Variants in SLIT3 observed in about 807,000 individuals in gnomAD.
SLIT3 encodes the protein slit homolog 3 protein.
A neutral mutation model predicts 184.0 loss-of-function variants in SLIT3; 68 were observed. The ratio of observed to expected loss-of-function variants is 0.37; its 90% confidence interval spans 0.30 to 0.45. The LOEUF (loss-of-function observed/expected upper bound fraction) is 0.45. Among genes scored for constraint, SLIT3 ranks in the 20% least tolerant of loss-of-function variants. The pLI, the probability that SLIT3 is intolerant of heterozygous loss-of-function variation, is 1.00. For missense variants in SLIT3, 1,707 were observed against 2,026.0 expected (o/e 0.84, Z 3.02); for synonymous variants, 831 against 828.6 (o/e 1.00, Z -0.05).
At position 168,762,649 on chromosome 5, in the gene SLIT3, G is replaced by A. The variant is rs759734936; in HGVS notation, c.1500C>T (p.Phe500=). 2.5e-6 allele frequency: 4 copies of A among 1,614,126 alleles called. No individual in the cohort carries two copies. The highest frequency in any genetic ancestry group is 3.4e-6 in the Non-Finnish European group (4 of 1,180,026). The change falls in exon 15 of 36, where the codon TTC becomes TTT. Residue 500 remains phenylalanine (F), a synonymous_variant. Transcript: ENST00000519560. The stretch of plus-strand genomic sequence containing the variant: ...ACTTCTCGGGGCACACGAGGTCCAT[G>A]AAGCACTCGCTGCTGAACCTGCTGC... ...DYRSRFSSEC[F]MDLVCPEKCR... is the part of the protein sequence containing the mutation.
At chr5:169,295,892 C>T (rs1029517778) in intron 1 of SLIT3, among the ~76,000 whole-genome samples, 12 of 152,310 alleles carry the variant, frequency 7.9e-5, no homozygotes, top group Admixed American at 2.0e-4. Context: ...CTCAGGATGA[C>T]GCTGATGAGT....
intron 4 of SLIT3, among the ~76,000 whole-genome samples, chr5:168,981,068 T>A (rs959920731): frequency 3.3e-5 from 5 of 152,334 alleles, no homozygotes; most frequent in African/African-American, 1.2e-4. Context: ...AAAAAGATAT[T>A]TTTTTAAATA....
intron 4 of SLIT3, among the ~76,000 whole-genome samples, chr5:168,886,194 C>T (rs535344098): frequency 2.0e-5 from 3 of 152,268 alleles, no homozygotes; most frequent in South Asian, 2.1e-4. Flanking sequence ...TTCCCTTCTC[C>T]GGCTAACAAT....
At chr5:169,195,826 G>A (rs975759995) in intron 3 of SLIT3, among the ~76,000 whole-genome samples, 1 of 152,036 alleles carries the variant, frequency 6.6e-6, no homozygotes, top group African/African-American at 2.4e-5. Flanking sequence ...GTGCCCGGCT[G>A]AGGGAAGCCT....
At position 168,753,962 on chromosome 5, in the gene SLIT3, G is replaced by A. The variant is rs754934688; in HGVS notation, c.1731C>T (p.Phe577=). 32 of 1,609,866 alleles carry A rather than the reference G, an allele frequency of 2.0e-5. No individual in the cohort carries two copies. The highest frequency in any genetic ancestry group is 1.9e-4 in the South Asian group (17 of 90,954). The change falls in exon 17 of 36, where the codon TTC becomes TTT. Residue 577 remains phenylalanine, a synonymous_variant. Coordinates refer to ENST00000519560, the MANE Select transcript of SLIT3 (RefSeq NM_003062.4). The part of the protein sequence containing the change: ...NKIKEVREGA[F]DGAASVQELM... ...GCTCCTGCACGCTGGCTGCTCCATC[G>A]AAAGCTCCCTCTCGCACCTCCTTGA...
intron 16 of SLIT3, among the ~76,000 whole-genome samples, chr5:168,757,754 ATAACCAGC>A (rs1366526148): frequency 6.6e-6 from 1 of 152,294 alleles, no homozygotes; most frequent in Non-Finnish European, 1.5e-5. Context: ...TTTTAAATAT[ATAACCAGC>A]TACTCTGGGT....
In SLIT3 at chr5:168,726,190, AG is replaced by A. The variant is rs765136015; in HGVS notation, c.2271-1707del. On this transcript the variant is annotated intron_variant, in intron 20 of 35. Transcript: ENST00000519560. ...ACATGCTTAGATTGTGCCCTCAGAC[AG>A]AAAAGCCAAGAGAAATGCATTCATT... Among the ~76,000 whole-genome samples, 9 of 152,052 alleles carry A rather than the reference AG, an allele frequency of 5.9e-5. No individual in the cohort carries two copies. In the East Asian group the frequency reaches 1.6e-3, roughly 27 times the overall value.
At chr5:168,912,412 G>A (rs1217467384) in intron 4 of SLIT3, among the ~76,000 whole-genome samples, 3 of 152,232 alleles carry the variant, frequency 2.0e-5, no homozygotes, top group African/African-American at 7.2e-5. Context: ...TTTCGGTCAA[G>A]GGTCAAATGT....
intron 5 of SLIT3, among the ~76,000 whole-genome samples, chr5:168,864,201 A>G (rs1759218875): frequency 6.6e-6 from 1 of 152,212 alleles, no homozygotes; most frequent in African/African-American, 2.4e-5. Flanking sequence ...CTTGTCTCAA[A>G]TAAAAGGCAC....
rs73802464 is a variant in SLIT3 at position 168,968,024 on chromosome 5, C to T, written c.414-84688G>A. On this transcript the variant is annotated intron_variant, in intron 4 of 35. Coordinates refer to ENST00000519560, the MANE Select transcript of SLIT3 (RefSeq NM_003062.4). Reference sequence around the variant, plus strand: ...GCATTCAAATTCCTTCCTCATGGCTCTCCCCAGGCCTTGGAAAGGAGAGTG... The same window carrying T: ...GCATTCAAATTCCTTCCTCATGGCTTTCCCCAGGCCTTGGAAAGGAGAGTG... 4.3e-3 allele frequency among the ~76,000 whole-genome samples: 657 copies of T among 152,354 alleles called. 3 individuals carry two copies. The highest frequency in any genetic ancestry group is 0.014 in the African/African-American group (595 of 41,580).
chr5:168,981,176 A>G (rs1457839552), intron 4 of SLIT3, among the ~76,000 whole-genome samples: 1 of 152,252 alleles, frequency 6.6e-6, no homozygotes, highest in African/African-American at 2.4e-5. Flanking sequence ...CAATGCTGAT[A>G]TTAGACACAA....
intron 20 of SLIT3, among the ~76,000 whole-genome samples, chr5:168,743,045 TG>T (rs1371181467): frequency 6.6e-6 from 1 of 151,996 alleles, no homozygotes; most frequent in Non-Finnish European, 1.5e-5. Flanking sequence ...GCCAGGAAAA[TG>T]GCATGAACCC....
chr5:168,710,982 C>T lies in SLIT3; in HGVS notation c.2632G>A (p.Glu878Lys). The T allele has an allele frequency of 6.4e-7, 1 of 1,569,788 alleles. No homozygotes were observed. The highest frequency in any genetic ancestry group is 1.8e-5 in the Admixed American group (1 of 54,068). Residue 878 changes from glutamate to lysine, a missense_variant, in exon 25 of 36, where the codon GAG becomes AAG. Glu to Lys is a moderately conservative substitution (Grantham distance 56). Around this residue, in one of 3 missense-constraint regions of SLIT3, gnomAD observed 1,307 missense variants for 1,511.6 expected, o/e 0.86. Transcript: ENST00000519560. Reference protein sequence around the residue: ...LSEWVKAGYKEPGIARCSSPE... With the variant: ...LSEWVKAGYKKPGIARCSSPE... ...CTACTGCAGCGGGCGATGCCAGGCT[C>T]CTTGTACCCCGCCTTCACCCACTCC...
chr5:168,693,296 C>A (rs545712100), intron 28 of SLIT3, among the ~76,000 whole-genome samples: 2 of 152,340 alleles, frequency 1.3e-5, no homozygotes, highest in South Asian at 2.1e-4. Flanking sequence ...CAAGGCTTAG[C>A]AGCCCAGTTC....
At position 168,987,954 on chromosome 5, in the gene SLIT3, C is replaced by A. The variant is rs1224699894; in HGVS notation, c.414-104618G>T. 3.9e-5 allele frequency among the ~76,000 whole-genome samples: 6 copies of A among 152,214 alleles called. No individual in the cohort carries two copies. In the South Asian group the frequency reaches 8.3e-4, roughly 21 times the overall value. Reference sequence around the variant, plus strand: ...TGGGACCACTGTGTCACAGCTGAAGCAGATCAAACAAGTCAACTGCACATT... The same window carrying A: ...TGGGACCACTGTGTCACAGCTGAAGAAGATCAAACAAGTCAACTGCACATT... On this transcript the variant is annotated intron_variant, in intron 4 of 35. Coordinates refer to ENST00000519560, the MANE Select transcript of SLIT3 (RefSeq NM_003062.4).
chr5:169,147,691 T>TCCAGA (rs1761971195), intron 4 of SLIT3, among the ~76,000 whole-genome samples: 2 of 152,206 alleles, frequency 1.3e-5, no homozygotes, highest in Non-Finnish European at 2.9e-5. Context: ...CCTCTGCCCC[T>TCCAGA]TTCTCTCTAA....
At chr5:169,154,676 A>C (rs911671785) in intron 4 of SLIT3, among the ~76,000 whole-genome samples, 1 of 152,260 alleles carries the variant, frequency 6.6e-6, no homozygotes, top group Admixed American at 6.5e-5. Context: ...GAGGGAATTA[A>C]ATTTGTGATG....
intron 16 of SLIT3, among the ~76,000 whole-genome samples, chr5:168,760,490 A>G (rs568170754): frequency 6.6e-6 from 1 of 152,178 alleles, no homozygotes; most frequent in Non-Finnish European, 1.5e-5. Context: ...GTCACCACAC[A>G]AAAATTGCCA....
chr5:169,184,172 A>G (rs1477095066), intron 4 of SLIT3, among the ~76,000 whole-genome samples: 2 of 152,238 alleles, frequency 1.3e-5, no homozygotes, highest in African/African-American at 4.8e-5. Flanking sequence ...AGATAAGAGC[A>G]CGTGCTTATA....
Sources: gnomAD v4.1 joint callset for allele counts (sites outside exome capture counted in the v4.1 genomes callset) on GRCh38, gnomAD v4.1.1 for gene constraint, gnomAD v4.1.1 regional missense constraint, MANE v1.5 for transcripts, NCBI Gene and HGNC (gene_info 2026-07-23, HGNC 2026-07-21) for gene names.